KLF13: variants seen among roughly 807,000 people sequenced by gnomAD.
The protein encoded by KLF13 is Krueppel-like factor 13.
KLF13 carries 8 observed loss-of-function variants against 16.7 expected under a neutral mutation model. The ratio of observed to expected loss-of-function variants is 0.48; its 90% CI spans 0.28 to 0.87. The LOEUF (loss-of-function observed/expected upper bound fraction) is 0.87, where lower values mean the gene tolerates loss of function less well. KLF13 is among the 40% of genes least tolerant of loss of function. KLF13 has a pLI of 0.10. For synonymous variants in KLF13, 245 were observed against 208.4 expected (o/e 1.18, Z -1.51); for missense variants, 447 against 452.2 (o/e 0.99, Z 0.10).
chr15:31,432,152 A>AC (rs74311121), intron 1 of KLF13, among the ~76,000 whole-genome samples: 152,302 of 152,304 alleles, frequency 1, 76,150 homozygotes, highest in Middle Eastern at 1. Flanking sequence ...CACTTACAAA[A>AC]CTTTCAGGTC....
intron 1 of KLF13, among the ~76,000 whole-genome samples, chr15:31,363,937 C>A (rs983770917): frequency 6.6e-6 from 1 of 152,098 alleles, no homozygotes; most frequent in African/African-American, 2.4e-5. Context: ...GAAGTATGAA[C>A]CCAGCCTTTC....
intron 1 of KLF13, among the ~76,000 whole-genome samples, chr15:31,383,707 T>C (rs8035636): frequency 0.071 from 10,849 of 152,174 alleles, 638 homozygotes; most frequent in African/African-American, 0.16. Flanking sequence ...GAGACCATCC[T>C]GGCTAACACG....
intron 1 of KLF13, among the ~76,000 whole-genome samples, chr15:31,364,212 A>T (rs1215147953): frequency 6.6e-6 from 1 of 152,196 alleles, no homozygotes; most frequent in Non-Finnish European, 1.5e-5. Context: ...AAGTTATCCT[A>T]TTCGAAAACA....
At chr15:31,388,088 A>G (rs982444525), upstream of KLF13, among the ~76,000 whole-genome samples, 2 of 152,178 alleles carry the variant, frequency 1.3e-5, no homozygotes, top group African/African-American at 4.8e-5. Flanking sequence ...GTCAGGAAGG[A>G]GTCGAAGTCA....
At chr15:31,340,861 C>T (rs2039010309) in intron 1 of KLF13, among the ~76,000 whole-genome samples, 1 of 152,070 alleles carries the variant, frequency 6.6e-6, no homozygotes, top group African/African-American at 2.4e-5. Context: ...ACGGGGAGAT[C>T]CTATCTTAAA....
At position 31,375,593 on chromosome 15, in the gene KLF13, C is replaced by G. The variant is rs6493629; in HGVS notation, c.*3294C>G. 6.6e-6 allele frequency: 1 copy of G among 151,868 alleles called. No homozygotes were observed. The highest frequency in any genetic ancestry group is 2.4e-5 in the African/African-American group (1 of 41,332). The allele number at this position is 151,868 out of a possible 1,614,324, so 9.4% of individuals were successfully genotyped here. A position where few individuals can be genotyped will look rare whatever the true frequency, so the allele number is the denominator to read the frequency against. On this transcript the variant is annotated 3_prime_UTR_variant, in exon 2 of 2. Coordinates refer to ENST00000307145, the MANE Select transcript of KLF13 (RefSeq NM_015995.4). ...CCCCTATAAAAGGCCTAAAATTGAT[C>G]TGGGGCTCAGCCATCAAGGGGCTGG...
intron 1 of KLF13, among the ~76,000 whole-genome samples, chr15:31,333,119 G>A (rs1241662516): frequency 3.3e-5 from 5 of 151,352 alleles, no homozygotes; most frequent in Admixed American, 6.5e-5. Context: ...TGCTCTAGGG[G>A]CCAGGCATCA....
rs550699567 is a variant in KLF13 at position 31,345,337 on chromosome 15, G to A, written c.577+17548G>A. Among the ~76,000 whole-genome samples, 109 of 152,286 alleles carry A rather than the reference G, an allele frequency of 7.2e-4. 1 individual carries two copies. The highest frequency in any genetic ancestry group is 2.3e-3 in the African/African-American group (96 of 41,548). ...TGAGGGCGTGGTGTCTGAGGGCAGG[G>A]CCTGTGGCTCCACCCTGTGTGCTGC... is the stretch of plus-strand genomic sequence containing the variant. On this transcript the variant is annotated intron_variant, in intron 1 of 1. Transcript: ENST00000307145.
intron 1 of KLF13, among the ~76,000 whole-genome samples, chr15:31,431,074 T>C (rs907965220): frequency 2.6e-5 from 4 of 152,176 alleles, no homozygotes; most frequent in Non-Finnish European, 5.9e-5. Flanking sequence ...GATTAGGTCA[T>C]ACGGGTGGAC....
At chr15:31,331,264 C>T (rs890644449) in intron 1 of KLF13, among the ~76,000 whole-genome samples, 1 of 152,198 alleles carries the variant, frequency 6.6e-6, no homozygotes, top group African/African-American at 2.4e-5. Context: ...CCAGCCTTCC[C>T]TCCTGCAGAA....
chr15:31,420,330 G>A (rs560816931), intron 1 of KLF13: 38 of 1,025,378 alleles, frequency 3.7e-5, no homozygotes, highest in East Asian at 3.3e-4. Context: ...ACCATCCATG[G>A]AGCAGCTGGC....
chr15:31,418,957 A>G (rs2040288737), intron 1 of KLF13, among the ~76,000 whole-genome samples: 1 of 152,186 alleles, frequency 6.6e-6, no homozygotes, highest in African/African-American at 2.4e-5. Context: ...AAATACATAC[A>G]TATATACAAA....
At chr15:31,330,355 G>A (rs2038806326) in intron 1 of KLF13, among the ~76,000 whole-genome samples, 1 of 152,150 alleles carries the variant, frequency 6.6e-6, no homozygotes, top group Admixed American at 6.5e-5. Flanking sequence ...CCCACTTCCC[G>A]CATTTCCAGG....
chr15:31,365,814 G>T lies in KLF13; in HGVS notation c.578-6196G>T, dbSNP rs1595475502. Reference sequence around the variant, plus strand: ...GCATTTGCATGTGGCTGCTGTGGGGGAGAGGGGAGGGCCTGGGACTTGGGT... The same window carrying T: ...GCATTTGCATGTGGCTGCTGTGGGGTAGAGGGGAGGGCCTGGGACTTGGGT... On this transcript the variant is annotated intron_variant, in intron 1 of 1. Transcript: ENST00000307145. 2.6e-5 allele frequency among the ~76,000 whole-genome samples: 4 copies of T among 152,270 alleles called. No homozygotes were observed. In the East Asian group the frequency reaches 7.7e-4, roughly 29 times the overall value.
At chr15:31,395,214 A>C (rs2039938460) in intron 2 of KLF13, among the ~76,000 whole-genome samples, 1 of 152,158 alleles carries the variant, frequency 6.6e-6, no homozygotes, top group Non-Finnish European at 1.5e-5. Flanking sequence ...TCCTGACCTC[A>C]AGTGATTTGC....
At chr15:31,358,702 T>C (rs1222724383) in intron 1 of KLF13, among the ~76,000 whole-genome samples, 1 of 152,256 alleles carries the variant, frequency 6.6e-6, no homozygotes, top group Non-Finnish European at 1.5e-5. Flanking sequence ...TAAACCTGGC[T>C]CTGTAATTGT....
At chr15:31,333,585 T>C (rs1355719634) in intron 1 of KLF13, among the ~76,000 whole-genome samples, 1 of 152,096 alleles carries the variant, frequency 6.6e-6, no homozygotes, top group Non-Finnish European at 1.5e-5. Context: ...GAAAGAAAAA[T>C]TAATTTTTTG....
chr15:31,379,327 C>T (rs1005845051), downstream of KLF13, among the ~76,000 whole-genome samples: 1 of 152,152 alleles, frequency 6.6e-6, no homozygotes, highest in South Asian at 2.1e-4. Flanking sequence ...AGCCACTGCT[C>T]CGCCTTCTCA....
intron 1 of KLF13, among the ~76,000 whole-genome samples, chr15:31,331,248 G>A (rs1442193478): frequency 2.0e-5 from 3 of 152,320 alleles, no homozygotes; most frequent in African/African-American, 7.2e-5. Context: ...GGGCACAGTG[G>A]CGTGCCCAGC....
Sources: gnomAD v4.1 joint callset for allele counts (sites outside exome capture counted in the v4.1 genomes callset) on GRCh38, gnomAD v4.1.1 for gene constraint, MANE v1.5 for transcripts, NCBI Gene and HGNC (gene_info 2026-07-23, HGNC 2026-07-21) for gene names.